Variants in TBC1D17 observed in about 807,000 individuals in gnomAD.
TBC1D17 encodes TBC1 domain family member 17.
TBC1D17 carries 69 observed loss-of-function variants against 78.8 expected under a neutral mutation model. That is an observed-to-expected ratio of 0.88 (90% confidence interval 0.72 to 1.07). The LOEUF is 1.07. Ranked by LOEUF, TBC1D17 falls within the 50% of genes least tolerant of loss-of-function variation. The pLI is 0.00. For missense variants in TBC1D17, 957 were observed against 861.0 expected (o/e 1.11, Z -1.39); for synonymous variants, 456 against 358.3 (o/e 1.27, Z -3.08).
At chr19:49,888,029 G>A in intron 15 of TBC1D17, 195 bp downstream of exon 15, 1 of 999,762 alleles carries the variant, frequency 1.0e-6, no homozygotes, top group Non-Finnish European at 1.5e-6. Context: ...CCTCCGGGCA[G>A]GTGGGTGGGG....
chr19:49,888,573 C>T lies in TBC1D17; in HGVS notation c.1896C>T (p.Asp632=), dbSNP rs573876863. The change falls in exon 17 of 17, where the codon GAC becomes GAT. Residue 632 remains aspartate, a synonymous_variant. Coordinates refer to ENST00000221543, the MANE Select transcript of TBC1D17 (RefSeq NM_024682.3). ...PPSTDTAPQP[D]SSLEILPEEE... is the part of the protein sequence containing the mutation. Reference sequence around the variant, plus strand: ...CCACGGACACAGCCCCGCAGCCCGACAGCAGCCTGGAGATCCTGCCCGAGG... The same window carrying T: ...CCACGGACACAGCCCCGCAGCCCGATAGCAGCCTGGAGATCCTGCCCGAGG... 168 of 1,536,452 alleles carry T rather than the reference C, an allele frequency of 1.1e-4. No homozygotes were observed. The highest frequency in any genetic ancestry group is 1.4e-4 in the Non-Finnish European group (165 of 1,146,122).
At position 49,882,039 on chromosome 19, in the gene TBC1D17, A is replaced by G. The variant is rs1170883933; in HGVS notation, c.528-2A>G. On this transcript the variant is annotated splice_acceptor_variant, in intron 5 of 16. Transcript: ENST00000221543. LOFTEE classifies it high-confidence loss of function. ...ACCTGTGCGTCACCTCCCGCCTCCC[A>G]GCTCCCCGCAGGACTCCCGCCTCTA... 1.2e-6 allele frequency: 2 copies of G among 1,612,922 alleles called. No individual in the cohort carries two copies. Among genetic ancestry groups the G allele is most frequent in the African/African-American group, 2.7e-5 (2 of 74,828 alleles).
Position 49,887,823 on chromosome 19 carries a change from G to A in TBC1D17, c.1648G>A (p.Glu550Lys). 6.2e-7 allele frequency: 1 copy of A among 1,609,674 alleles called. No individual in the cohort carries two copies. Among genetic ancestry groups the A allele is most frequent in the Non-Finnish European group, 8.5e-7 (1 of 1,178,650 alleles). The change falls in exon 15 of 17, where the codon GAG becomes AAG. Residue 550 changes from glutamate to lysine, a missense_variant. Coordinates refer to ENST00000221543, the MANE Select transcript of TBC1D17 (RefSeq NM_024682.3). ...TLMLSGFGSN[E>K]ILKHINELTM... ...CATGCTGTCCGGCTTCGGCTCCAAT[G>A]AGATCCTCAAGGTGAGGCTCCGGCC...
chr19:49,878,020 C>T (rs1370729483), intron 1 of TBC1D17, 123 bp from the exon 2 acceptor site: 2 of 853,146 alleles, frequency 2.3e-6, no homozygotes, highest in Non-Finnish European at 3.6e-6. Flanking sequence ...GCCTTGGTCC[C>T]GGGGCAATGG....
At chr19:49,878,051 G>A in intron 1 of TBC1D17, 92 bp from the exon 2 acceptor site, 2 of 1,077,590 alleles carry the variant, frequency 1.9e-6, no homozygotes, top group Admixed American at 2.6e-5. Context: ...CCCGCCCCCT[G>A]AGGGTGGCTC....
rs764606250 is a variant in TBC1D17, at chr19:49,884,451, C to T, written c.1244-8C>T. ...GCTTGGCTGCAGCCTGACCCCATGT[C>T]CCCCCAGGCTACGTCCAGGGCATGA... On this transcript the variant is annotated splice_polypyrimidine_tract_variant and splice_region_variant and intron_variant, in intron 11 of 16. Coordinates refer to ENST00000221543, the MANE Select transcript of TBC1D17 (RefSeq NM_024682.3). 15 of 1,613,462 alleles carry T rather than the reference C, an allele frequency of 9.3e-6. No homozygotes were observed. Among genetic ancestry groups the T allele is most frequent in the African/African-American group, 5.3e-5 (4 of 74,910 alleles).
At chr19:49,882,539 C>T (rs1410228634) in intron 7 of TBC1D17, 139 bp downstream of exon 7, 1 of 1,375,824 alleles carries the variant, frequency 7.3e-7, no homozygotes, top group Non-Finnish European at 9.7e-7. Flanking sequence ...ATGAGGAAAG[C>T]GCTCATGGCT....
Position 49,884,763 on chromosome 19 carries a change from G to A in TBC1D17, c.1444+5G>A, listed in dbSNP as rs1231603266. ...CCCTGCTCTGCGACTTCCTGGGTATGTCTCTCGGGAGGGTGGGCAGGAGAC... is the reference window on the plus strand; with the variant it reads ...CCCTGCTCTGCGACTTCCTGGGTATATCTCTCGGGAGGGTGGGCAGGAGAC... On this transcript the variant is annotated splice_donor_5th_base_variant and intron_variant, in intron 13 of 16. Transcript: ENST00000221543. 24 of 1,613,488 alleles carry A rather than the reference G, an allele frequency of 1.5e-5. No individual in the cohort carries two copies. Among genetic ancestry groups the A allele is most frequent in the Non-Finnish European group, 1.9e-5 (23 of 1,179,784 alleles).
At chr19:49,882,483 C>G in intron 7 of TBC1D17, 83 bp downstream of exon 7, 2 of 1,539,390 alleles carry the variant, frequency 1.3e-6, no homozygotes, top group Non-Finnish European at 1.7e-6. Flanking sequence ...CCTCAGTTTC[C>G]TCTTTGGTAA....
chr19:49,882,000 C>T (rs1393539834), intron 5 of TBC1D17, 41 bp from the exon 6 acceptor site: 1 of 1,548,784 alleles, frequency 6.5e-7, no homozygotes, highest in South Asian at 1.1e-5. Flanking sequence ...ACACTGGGCC[C>T]CTACCTGTGC....
In TBC1D17 at chr19:49,884,257, G is replaced by A. The variant is rs771331819; in HGVS notation, c.1131G>A (p.Arg377=). The part of the protein sequence containing the change: ...LLHGYRSLIE[R]DVSRTDRTNK... ...CCCTGTGCCCGGTCCCCGCAGAAAG[G>A]GATGTGAGCCGCACTGACAGGACCA... is the stretch of plus-strand genomic sequence containing the variant. The change falls in exon 11 of 17, where the codon AGG becomes AGA. Residue 377 remains arginine, a synonymous_variant. Transcript: ENST00000221543. The A allele has an allele frequency of 6.8e-6, 11 of 1,613,704 alleles. No homozygotes were observed. The highest frequency in any genetic ancestry group is 9.3e-6 in the Non-Finnish European group (11 of 1,180,002).
rs1174253075 is a variant in TBC1D17 at position 49,884,567 on chromosome 19, T to C, written c.1344+8T>C. On this transcript the variant is annotated splice_region_variant and intron_variant, in intron 12 of 16. Coordinates refer to ENST00000221543, the MANE Select transcript of TBC1D17 (RefSeq NM_024682.3). Reference sequence around the variant, plus strand: ...GGCTTCATGGAGCTCGTGGTGAGGCTTGGGTCAGGGGTGGGACACAGGCCT... The same window carrying C: ...GGCTTCATGGAGCTCGTGGTGAGGCCTGGGTCAGGGGTGGGACACAGGCCT... 6.2e-7 allele frequency: 1 copy of C among 1,614,030 alleles called. No homozygotes were observed. Among genetic ancestry groups the C allele is most frequent in the Admixed American group, 1.7e-5 (1 of 60,014 alleles).
rs1481784999 is a variant in TBC1D17 at position 49,882,272 on chromosome 19, T to C, written c.670T>C (p.Phe224Leu). 1 of 1,612,340 alleles carries C rather than the reference T, an allele frequency of 6.2e-7. No individual in the cohort carries two copies. The highest frequency in any genetic ancestry group is 8.5e-7 in the Non-Finnish European group (1 of 1,179,984). The change falls in exon 7 of 17, where the codon TTC (phenylalanine) becomes CTC (leucine). Residue 224 changes from phenylalanine to leucine, a missense_variant. By Grantham distance (22) the Phe-to-Leu change is conservative. Transcript: ENST00000221543. ...CCTCCAGGATCCCTACTCCACCACC[T>C]TCAGCAGCTTCTCCCGAGTGACCAA... ...RFLQDPYSTT[F>L]SSFSRVTNFF...
rs1458037221 is a variant in TBC1D17 at position 49,877,746 on chromosome 19, T to A, written c.21+2T>A. On this transcript the variant is annotated splice_donor_variant, in intron 1 of 16. Transcript: ENST00000221543. LOFTEE classifies it high-confidence loss of function. Reference sequence around the variant, plus strand: ...ACTATGGAAGGAGCCGGCTACAGGGTAAGCACTGAGGACGCATTCCCTCGC... The same window carrying A: ...ACTATGGAAGGAGCCGGCTACAGGGAAAGCACTGAGGACGCATTCCCTCGC... The A allele has an allele frequency of 6.3e-7, 1 of 1,594,618 alleles. No individual in the cohort carries two copies. Among genetic ancestry groups the A allele is most frequent in the Non-Finnish European group, 8.5e-7 (1 of 1,171,648 alleles).
chr19:49,885,522 G>A (rs2075051905), intron 13 of TBC1D17: 1 of 150,564 alleles, frequency 6.6e-6, no homozygotes, highest in African/African-American at 2.4e-5. Flanking sequence ...TTAAGATGAA[G>A]AAGAAAAAGT....
intron 13 of TBC1D17, chr19:49,886,851 A>G (rs1351908099): frequency 6.5e-6 from 1 of 153,518 alleles, no homozygotes; most frequent in Non-Finnish European, 1.4e-5. Context: ...GCTGGAGTGC[A>G]GTGGTGTGAT....
chr19:49,878,357 G>A, intron 2 of TBC1D17, 116 bp downstream of exon 2: 1 of 1,235,898 alleles, frequency 8.1e-7, no homozygotes, highest in Non-Finnish European at 1.2e-6. Flanking sequence ...CCTGAAGAAG[G>A]CTGGGTGTGG....
Position 49,878,481 on chromosome 19 carries a change from C to T in TBC1D17, c.121-17C>T. 1.2e-6 allele frequency: 2 copies of T among 1,612,024 alleles called. No individual in the cohort carries two copies. Among genetic ancestry groups the T allele is most frequent in the Non-Finnish European group, 1.7e-6 (2 of 1,178,162 alleles). On this transcript the variant is annotated splice_polypyrimidine_tract_variant and intron_variant, in intron 2 of 16. Transcript: ENST00000221543. ...GTTTGGGGAGCGCCTCTAACCCCGC[C>T]TCCCTCCTTACCCTAGGACAATGAC...
In TBC1D17 at chr19:49,887,842, T is replaced by C. The variant is rs1277936130; in HGVS notation, c.1659+8T>C. ...TCCAATGAGATCCTCAAGGTGAGGC[T>C]CCGGCCCCGCCCCCGCCCTGTCCCC... On this transcript the variant is annotated splice_region_variant and intron_variant, in intron 15 of 16. Transcript: ENST00000221543. 1.2e-6 allele frequency: 2 copies of C among 1,600,656 alleles called. No individual in the cohort carries two copies. Among genetic ancestry groups the C allele is most frequent in the Non-Finnish European group, 1.7e-6 (2 of 1,174,002 alleles).
Sources: allele counts gnomAD v4.1 joint callset, GRCh38; gene constraint gnomAD v4.1.1; transcripts MANE v1.5; gene names NCBI Gene and HGNC (gene_info 2026-07-23, HGNC 2026-07-21).